Variants in FGA observed in about 807,000 individuals in gnomAD.
FGA encodes fibrinogen alpha chain.
A neutral mutation model predicts 20.3 loss-of-function variants in FGA; 20 were observed. The ratio of observed to expected loss-of-function variants is 0.99; its 90% CI spans 0.69 to 1.43. The LOEUF is 1.43. Ranked by LOEUF, FGA falls within the 40% of genes most tolerant of loss-of-function variation. The pLI is 0.00. For missense variants in FGA, 777 were observed against 784.7 expected, an observed-to-expected ratio of 0.99 and a Z score of 0.12; for synonymous variants, 306 against 281.6, an observed-to-expected ratio of 1.09 and a Z score of -0.87.
In FGA at chr4:154,585,389, C is replaced by T; in HGVS notation, c.*105G>A. On this transcript the variant is annotated 3_prime_UTR_variant, in exon 5 of 5. Transcript: ENST00000403106. ...TGCCCCCAAGGAACTTACAGTCTAGCACAAAAACAGACCAAAAAAGTGTAG... is the reference window on the plus strand; with the variant it reads ...TGCCCCCAAGGAACTTACAGTCTAGTACAAAAACAGACCAAAAAAGTGTAG... 1.8e-6 allele frequency: 2 copies of T among 1,100,236 alleles called. No homozygotes were observed. Among genetic ancestry groups the T allele is most frequent in the South Asian group, 1.6e-5 (1 of 64,164 alleles). The allele number at this position is 1,100,236 out of a possible 1,614,324, so 68.2% of individuals were successfully genotyped here.
downstream of FGA, chr4:154,584,123 C>A: frequency 6.2e-7 from 1 of 1,610,622 alleles, no homozygotes; most frequent in Non-Finnish European, 8.5e-7. Flanking sequence ...ACTTCTTCAG[C>A]CTATTGGGTC....
chr4:154,585,433 G>C lies in FGA; in HGVS notation c.*61C>G. ...AGTGTAGTTTCAATGACGTGTAACA[G>C]AGAGTTAAGAAGGAAATGCAAGGGG... is the stretch of plus-strand genomic sequence containing the variant. On this transcript the variant is annotated 3_prime_UTR_variant, in exon 5 of 5. Transcript: ENST00000403106. 1 of 1,258,276 alleles carries C rather than the reference G, an allele frequency of 7.9e-7. No homozygotes were observed. Among genetic ancestry groups the C allele is most frequent in the Non-Finnish European group, 1.2e-6 (1 of 866,816 alleles). 77.9% of individuals were successfully genotyped at this position (1,258,276 alleles called of 1,614,324 possible).
chr4:154,587,812 G>GAAAGAAAGAGAAA (rs1261241287), intron 3 of FGA, among the ~76,000 whole-genome samples, 155 bp from the exon 4 acceptor site: 1 of 145,864 alleles, frequency 6.9e-6, no homozygotes, highest in East Asian at 2.0e-4. Flanking sequence ...AGAGAAAAAA[G>GAAAGAAAGAGAAA]AAAGAAAGAA....
Position 154,589,534 on chromosome 4 carries a change from A to G in FGA, c.83T>C (p.Leu28Pro). The stretch of plus-strand genomic sequence containing the variant: ...GCCACGCACGCCTCCTCCTTCAGCT[A>G]GAAAGTCACCTTCACCACTATCTGC... ...WTADSGEGDF[L>P]AEGGGVRGPR... The change falls in exon 2 of 5, where the codon CTA (leucine) becomes CCA (proline). Residue 28 changes from leucine (L) to proline (P), a missense_variant. Physicochemically the swap from Leu to Pro is moderately conservative, Grantham distance 98. Coordinates refer to ENST00000403106, the MANE Select transcript of FGA (RefSeq NM_021871.4). 1 of 1,613,846 alleles carries G rather than the reference A, an allele frequency of 6.2e-7. No individual in the cohort carries two copies. Among genetic ancestry groups the G allele is most frequent in the Non-Finnish European group, 8.5e-7 (1 of 1,179,986 alleles).
At position 154,585,823 on chromosome 4, in the gene FGA, T is replaced by C. The variant is rs1415258997; in HGVS notation, c.1606A>G (p.Met536Val). The change falls in exon 5 of 5, where the codon ATG becomes GTG. Residue 536 changes from methionine (M) to valine (V), a missense_variant. By Grantham distance (21) the Met-to-Val change is conservative (BLOSUM62 1). Transcript: ENST00000403106. ...GKTFPGFFSP[M>V]LGEFVSETES... The stretch of plus-strand genomic sequence containing the variant: ...GTCTCACTGACAAACTCTCCTAACA[T>C]AGGTGAGAAGAAACCTGGGAATGTT... 6 of 1,614,014 alleles carry C rather than the reference T, an allele frequency of 3.7e-6. No homozygotes were observed. The highest frequency in any genetic ancestry group is 1.3e-5 in the African/African-American group (1 of 74,910).
intron 3 of FGA, 142 bp from the exon 4 acceptor site, chr4:154,587,799 G>T: frequency 7.3e-6 from 5 of 682,874 alleles, no homozygotes; most frequent in South Asian, 1.7e-5. Context: ...AAGAAAGAAA[G>T]AAAGAGAAAA....
downstream of FGA, chr4:154,584,038 G>T: frequency 9.8e-7 from 1 of 1,021,902 alleles, no homozygotes; most frequent in Non-Finnish European, 1.5e-6. Flanking sequence ...TTAGGTTGTA[G>T]AGAATCTCAA....
In FGA at chr4:154,586,847, C is replaced by T. The variant is rs878892284; in HGVS notation, c.582G>A (p.Leu194=). The change falls in exon 5 of 5, where the codon CTG becomes CTA. Residue 194 remains leucine (L), a synonymous_variant. Coordinates refer to ENST00000403106, the MANE Select transcript of FGA (RefSeq NM_021871.4). ...CSRALAREVD[L]KDYEDQQKQL... is the part of the protein sequence containing the mutation. ...GCTTCTGCTGATCTTCATAGTCCTT[C>T]AGATCTACTTCACGAGCTAAAGCCC... 1 of 1,614,150 alleles carries T rather than the reference C, an allele frequency of 6.2e-7. No homozygotes were observed. Among genetic ancestry groups the T allele is most frequent in the South Asian group, 1.1e-5 (1 of 91,086 alleles).
At chr4:154,589,370 G>C in intron 2 of FGA, 67 bp downstream of exon 2, 4 of 1,595,628 alleles carry the variant, frequency 2.5e-6, no homozygotes, top group Non-Finnish European at 2.6e-6. Context: ...GGACCAATCA[G>C]GTCAGCCTGT....
At chr4:154,587,755 G>GAAAGAA (rs1167312153) in intron 3 of FGA, 98 bp from the exon 4 acceptor site, 8 of 442,372 alleles carry the variant, frequency 1.8e-5, no homozygotes, top group South Asian at 3.0e-5. Flanking sequence ...GAGAAAGAAA[G>GAAAGAA]AAAGAAAGAA....
intron 3 of FGA, among the ~76,000 whole-genome samples, chr4:154,588,546 CT>C (rs956047849): frequency 3.9e-5 from 6 of 152,110 alleles, no homozygotes; most frequent in Non-Finnish European, 8.8e-5. Flanking sequence ...CATTTAAATT[CT>C]TGTTTTTAAT....
intron 4 of FGA, 24 bp downstream of exon 4, chr4:154,587,488 C>T: frequency 6.2e-7 from 1 of 1,612,298 alleles, no homozygotes; most frequent in Non-Finnish European, 8.5e-7. Context: ...ACAAGGACAT[C>T]TGGGACCACA....
chr4:154,586,662 T>G lies in FGA; in HGVS notation c.767A>C (p.Gln256Pro), dbSNP rs1348588295. ...AGGTCTCTCTAACTCCATTCTCATC[T>G]GCGGCATGTCTGTTAATGCCTTCCA... Reference protein sequence around the residue: ...PEWKALTDMPQMRMELERPGG... With the variant: ...PEWKALTDMPPMRMELERPGG... The change falls in exon 5 of 5, where the codon CAG becomes CCG. Residue 256 changes from glutamine to proline, a missense_variant. Physicochemically the swap from Gln to Pro is moderately conservative, Grantham distance 76 (BLOSUM62 -1). Coordinates refer to ENST00000403106, the MANE Select transcript of FGA (RefSeq NM_021871.4). 5 of 1,614,126 alleles carry G rather than the reference T, an allele frequency of 3.1e-6. No homozygotes were observed. The highest frequency in any genetic ancestry group is 4.2e-6 in the Non-Finnish European group (5 of 1,180,038).
chr4:154,586,799 T>C lies in FGA; in HGVS notation c.630A>G (p.Lys210=), dbSNP rs755155940. 6.2e-7 allele frequency: 1 copy of C among 1,614,168 alleles called. No homozygotes were observed. The highest frequency in any genetic ancestry group is 8.5e-7 in the Non-Finnish European group (1 of 1,180,026). Residue 210 remains lysine, a synonymous_variant, in exon 5 of 5, where the codon AAA becomes AAG. Coordinates refer to ENST00000403106, the MANE Select transcript of FGA (RefSeq NM_021871.4). ...GCCTATCTCTAGAGGGAAGTAAGTC[T>C]TTGGCAATGACCTGTTCAAGTTGCT... is the stretch of plus-strand genomic sequence containing the variant. ...QQKQLEQVIA[K]DLLPSRDRQH... is the part of the protein sequence containing the mutation.
In FGA at chr4:154,586,485, G is replaced by A. The variant is rs117761234; in HGVS notation, c.944C>T (p.Thr315Ile). Reference protein sequence around the residue: ...TGNRNPGSSGTGGTATWKPGS... With the variant: ...TGNRNPGSSGIGGTATWKPGS... ...AGGTTTCCAGGTTGCAGTCCCTCCA[G>A]TCCCAGAGCTCCCAGGGTTTCGGTT... is the stretch of plus-strand genomic sequence containing the variant. The change falls in exon 5 of 5, where the codon ACT becomes ATT. Residue 315 changes from threonine to isoleucine, a missense_variant. By Grantham distance (89) the Thr-to-Ile change is moderately conservative (BLOSUM62 -1). Transcript: ENST00000403106. 1 of 1,613,866 alleles carries A rather than the reference G, an allele frequency of 6.2e-7. No homozygotes were observed. The highest frequency in any genetic ancestry group is 2.2e-5 in the East Asian group (1 of 44,862).
downstream of FGA, chr4:154,583,771 A>G (rs892584965): frequency 8.9e-6 from 2 of 225,352 alleles, no homozygotes; most frequent in Non-Finnish European, 1.8e-5. Flanking sequence ...TTGCTTTCCA[A>G]TGGCATTATG....
Position 154,586,720 on chromosome 4 carries a change from A to C in FGA, c.709T>G (p.Phe237Val). Reference sequence around the variant, plus strand: ...GGTACCTTCTGAAGCTGGCTCTTAAAATTTCCGGGAACCAAGTCTGGAACT... The same window carrying C: ...GGTACCTTCTGAAGCTGGCTCTTAACATTTCCGGGAACCAAGTCTGGAACT... ...KPVPDLVPGN[F>V]KSQLQKVPPE... Residue 237 changes from phenylalanine (F) to valine (V), a missense_variant, in exon 5 of 5, where the codon TTT (phenylalanine) becomes GTT (valine). By Grantham distance (50) the Phe-to-Val change is conservative (BLOSUM62 -1). Transcript: ENST00000403106. 1 of 1,614,138 alleles carries C rather than the reference A, an allele frequency of 6.2e-7. No individual in the cohort carries two copies. Among genetic ancestry groups the C allele is most frequent in the Non-Finnish European group, 8.5e-7 (1 of 1,180,004 alleles).
At position 154,586,214 on chromosome 4, in the gene FGA, A is replaced by C. The variant is rs1473820712; in HGVS notation, c.1215T>G (p.Pro405=). The change falls in exon 5 of 5, where the codon CCT becomes CCG. Residue 405 remains proline, a synonymous_variant. Transcript: ENST00000403106. Reference sequence around the variant, plus strand: ...CAAATGTGCCCCAGTCTGGGTTGTTAGGCCTCGCGTTCCCAGAGCCTGGGC... The same window carrying C: ...CAAATGTGCCCCAGTCTGGGTTGTTCGGCCTCGCGTTCCCAGAGCCTGGGC... ...PDSPGSGNAR[P]NNPDWGTFEE... is the part of the protein sequence containing the mutation. The C allele has an allele frequency of 1.2e-6, 2 of 1,614,100 alleles. No individual in the cohort carries two copies. The highest frequency in any genetic ancestry group is 1.7e-6 in the Non-Finnish European group (2 of 1,179,988).
At chr4:154,584,155 C>T (rs376940583), downstream of FGA, 32 of 1,522,520 alleles carry the variant, frequency 2.1e-5, no homozygotes, top group African/African-American at 1.3e-4. Context: ...AATTTTCATG[C>T]GAACAGCCCT....
Sources: gnomAD v4.1 joint callset for allele counts (sites outside exome capture counted in the v4.1 genomes callset) on GRCh38, gnomAD v4.1.1 for gene constraint, MANE v1.5 for transcripts, NCBI Gene and HGNC (gene_info 2026-07-23, HGNC 2026-07-21) for gene names.